ZDHHC13: variants seen among roughly 807,000 people sequenced by gnomAD.
ZDHHC13 encodes palmitoyltransferase ZDHHC13.
In ZDHHC13, 85 loss-of-function variants were observed where a neutral mutation model predicts 86.0. The ratio of observed to expected loss-of-function variants is 0.99; its 90% CI spans 0.83 to 1.18. The LOEUF is 1.18. ZDHHC13 is among the 50% of genes most tolerant of loss of function. The pLI is 0.00. For missense variants in ZDHHC13, 711 were observed against 730.2 expected, an observed-to-expected ratio of 0.97 and a Z score of 0.30; for synonymous variants, 263 against 246.4, an observed-to-expected ratio of 1.07 and a Z score of -0.63.
chr11:19,137,746 G>A (rs1235773483), intron 1 of ZDHHC13, among the ~76,000 whole-genome samples: 1 of 152,172 alleles, frequency 6.6e-6, no homozygotes, highest in Non-Finnish European at 1.5e-5. Context: ...TAGAACTCAG[G>A]ATTAAGAATC....
In ZDHHC13 at chr11:19,152,700, G is replaced by A; in HGVS notation, c.873+16G>A. ...GAAATGCGAGGTATTTTCATATGGGGTCTTTTCTATGGGATAGATGACTTT... is the reference window on the plus strand; with the variant it reads ...GAAATGCGAGGTATTTTCATATGGGATCTTTTCTATGGGATAGATGACTTT... On this transcript the variant is annotated intron_variant, in intron 8 of 16. Transcript: ENST00000446113. 2.5e-6 allele frequency: 4 copies of A among 1,612,366 alleles called. No homozygotes were observed. The highest frequency in any genetic ancestry group is 3.4e-6 in the Non-Finnish European group (4 of 1,178,762).
chr11:19,135,364 C>T (rs1397044646), intron 1 of ZDHHC13, among the ~76,000 whole-genome samples: 25 of 152,228 alleles, frequency 1.6e-4, no homozygotes, highest in South Asian at 6.2e-4. Context: ...GCTTTTCCGA[C>T]GGGCTTAAAA....
chr11:19,135,958 C>G (rs1049349350), intron 1 of ZDHHC13, among the ~76,000 whole-genome samples: 3 of 151,506 alleles, frequency 2.0e-5, no homozygotes, highest in Admixed American at 6.6e-5. Context: ...GTAGATAAAA[C>G]CACAAAGATG....
intron 6 of ZDHHC13, 70 bp downstream of exon 6, chr11:19,150,861 A>G: frequency 1.4e-6 from 2 of 1,416,414 alleles, no homozygotes; most frequent in Non-Finnish European, 2.0e-6. Flanking sequence ...ATGTAATTTT[A>G]AGTATCTGTG....
chr11:19,143,207 T>A, intron 2 of ZDHHC13, 84 bp downstream of exon 2: 1 of 1,398,310 alleles, frequency 7.2e-7, no homozygotes, highest in Non-Finnish European at 9.6e-7. Context: ...GCTTCATATG[T>A]TTACCTCTCT....
intron 1 of ZDHHC13, among the ~76,000 whole-genome samples, chr11:19,140,921 TG>T (rs1238374432): frequency 1.6e-5 from 1 of 62,098 alleles, no homozygotes; most frequent in African/African-American, 6.6e-5. Flanking sequence ...TGTTGTGGGG[TG>T]GGGGGAGGGG....
rs372498631 is a variant in ZDHHC13, at chr11:19,164,390, C to T, written c.1296+27C>T. On this transcript the variant is annotated intron_variant, in intron 12 of 16. Coordinates refer to ENST00000446113, the MANE Select transcript of ZDHHC13 (RefSeq NM_019028.3). ...TGAGTTTTTTCATATAATTTTTTTCCGTAGTGAAAGCAAAGTCTTGGTAAC... is the reference window on the plus strand; with the variant it reads ...TGAGTTTTTTCATATAATTTTTTTCTGTAGTGAAAGCAAAGTCTTGGTAAC... 97 of 1,605,062 alleles carry T rather than the reference C, an allele frequency of 6.0e-5. No individual in the cohort carries two copies. In the African/African-American group the frequency reaches 1.0e-3, roughly 17 times the overall value.
chr11:19,167,553 A>G (rs1172457622), intron 14 of ZDHHC13: 2 of 152,112 alleles, frequency 1.3e-5, no homozygotes, highest in East Asian at 3.9e-4. Flanking sequence ...ATCTATGTGT[A>G]ATGAGTTATT....
intron 1 of ZDHHC13, among the ~76,000 whole-genome samples, chr11:19,128,150 T>C (rs185799512): frequency 2.0e-5 from 3 of 152,324 alleles, no homozygotes; most frequent in African/African-American, 7.2e-5. Flanking sequence ...GTAATTCTCA[T>C]TGTAGAGGTC....
chr11:19,169,762 A>G (rs1850169499), intron 14 of ZDHHC13: 5 of 985,456 alleles, frequency 5.1e-6, no homozygotes, highest in Non-Finnish European at 4.8e-6. Context: ...AGGCCATAGT[A>G]AAGTTCTTTA....
At chr11:19,165,428 G>A (rs985914224) in intron 13 of ZDHHC13, among the ~76,000 whole-genome samples, 1 of 152,184 alleles carries the variant, frequency 6.6e-6, no homozygotes, top group Non-Finnish European at 1.5e-5. Context: ...AACTTACAGT[G>A]ACACAACTAG....
intron 15 of ZDHHC13, among the ~76,000 whole-genome samples, chr11:19,171,629 G>C (rs1266151624): frequency 6.6e-6 from 1 of 152,064 alleles, no homozygotes; most frequent in East Asian, 1.9e-4. Context: ...GTGATTATTA[G>C]TATTATCATT....
At chr11:19,130,784 C>T (rs1278827517) in intron 1 of ZDHHC13, among the ~76,000 whole-genome samples, 3 of 151,654 alleles carry the variant, frequency 2.0e-5, no homozygotes, top group Non-Finnish European at 4.4e-5. Context: ...GATGAGAAGT[C>T]TGAGTGTATT....
At position 19,117,846 on chromosome 11, in the gene ZDHHC13, T is replaced by A. The variant is rs1413885259; in HGVS notation, c.27+570T>A. On this transcript the variant is annotated intron_variant, in intron 1 of 16. Coordinates refer to ENST00000446113, the MANE Select transcript of ZDHHC13 (RefSeq NM_019028.3). The surrounding 1 kb of genome is among the most constrained non-coding windows in gnomAD (Gnocchi z 4.2). ...AGGTACACCACAGCGATCTGCAGAA[T>A]CTCAAAGGACAATATTCCGTGGAGG... is the stretch of plus-strand genomic sequence containing the variant. 6.6e-6 allele frequency: 1 copy of A among 152,354 alleles called. No individual in the cohort carries two copies. Among genetic ancestry groups the A allele is most frequent in the African/African-American group, 2.4e-5 (1 of 41,440 alleles). The allele number at this position is 152,354 out of a possible 1,614,324, so 9.4% of individuals were successfully genotyped here.
chr11:19,149,901 T>C (rs1431922741), intron 5 of ZDHHC13, among the ~76,000 whole-genome samples: 3 of 152,256 alleles, frequency 2.0e-5, no homozygotes, highest in African/African-American at 7.2e-5. Context: ...GTAAAAGGCA[T>C]GAAAACGTGT....
intron 11 of ZDHHC13, 60 bp from the exon 12 acceptor site, chr11:19,164,241 A>G: frequency 6.4e-7 from 1 of 1,554,108 alleles, no homozygotes; most frequent in South Asian, 1.1e-5. Flanking sequence ...ATGGTGTATA[A>G]CCATGCATAA....
At position 19,171,499 on chromosome 11, in the gene ZDHHC13, T is replaced by C. The variant is rs1477873705; in HGVS notation, c.1632+931T>C. ...AAAGAAAGAAAGAGAAAAAAGAAAA[T>C]GTTTAGGGATGAAACTGAGTTAATA... On this transcript the variant is annotated intron_variant, in intron 15 of 16. Transcript: ENST00000446113. Among the ~76,000 whole-genome samples the C allele has an allele frequency of 3.3e-5, 5 of 152,008 alleles. No individual in the cohort carries two copies. In the East Asian group the frequency reaches 9.7e-4, roughly 29 times the overall value.
At chr11:19,129,269 T>G (rs145723643) in intron 1 of ZDHHC13, among the ~76,000 whole-genome samples, 141 of 152,374 alleles carry the variant, frequency 9.3e-4, no homozygotes, top group African/African-American at 3.1e-3. Flanking sequence ...TATTATGCTG[T>G]CTGGTACTTT....
intron 1 of ZDHHC13, among the ~76,000 whole-genome samples, chr11:19,130,613 C>T (rs192161699): frequency 5.3e-4 from 80 of 152,150 alleles, no homozygotes; most frequent in Admixed American, 1.5e-3. Flanking sequence ...AATTTTCTTT[C>T]TCTAGGTTAT....
Sources: allele counts gnomAD v4.1 joint callset (sites outside exome capture counted in the v4.1 genomes callset), GRCh38; gene constraint gnomAD v4.1.1; non-coding constraint Gnocchi (gnomAD v3.1); transcripts MANE v1.5; gene names NCBI Gene and HGNC (gene_info 2026-07-23, HGNC 2026-07-21).